Variants in RGS7 observed in about 807,000 individuals in gnomAD.
RGS7 encodes regulator of G-protein signaling 7.
RGS7 carries 27 observed loss-of-function variants against 81.1 expected under a neutral mutation model. The observed-to-expected ratio is 0.33, with a 90% CI of 0.25 to 0.46. RGS7 has a LOEUF of 0.46. RGS7 is among the 20% of genes least tolerant of loss of function. RGS7 has a pLI of 1.00. For missense variants in RGS7, 396 were observed against 607.4 expected, an observed-to-expected ratio of 0.65 and a Z score of 3.66; for synonymous variants, 208 against 207.7, an observed-to-expected ratio of 1.00 and a Z score of -0.01.
At chr1:240,828,526 C>T (rs968110740) in intron 9 of RGS7, among the ~76,000 whole-genome samples, 5 of 152,160 alleles carry the variant, frequency 3.3e-5, no homozygotes, top group Admixed American at 6.5e-5. Flanking sequence ...CGGTGGCTCA[C>T]GCCTGTAACC....
intron 3 of RGS7, among the ~76,000 whole-genome samples, chr1:241,057,355 C>T (rs2148822852): frequency 6.6e-6 from 1 of 152,186 alleles, no homozygotes; most frequent in Non-Finnish European, 1.5e-5. Context: ...AATAAGAGGG[C>T]CAGTTTAGGC....
In RGS7 at chr1:240,812,064, G is replaced by T. The variant is rs199919664; in HGVS notation, c.957-21C>A. The T allele has an allele frequency of 2.4e-5, 39 of 1,613,836 alleles. No individual in the cohort carries two copies. In the East Asian group the frequency reaches 8.7e-4, roughly 36 times the overall value. On this transcript the variant is annotated intron_variant, in intron 13 of 18. Coordinates refer to ENST00000440928, the MANE Select transcript of RGS7 (RefSeq NM_001364886.1). Reference sequence around the variant, plus strand: ...CTTTGCTATAGAAGATAAAACAAAGGCAAATACATTCCTTTCATTAGAATT... The same window carrying T: ...CTTTGCTATAGAAGATAAAACAAAGTCAAATACATTCCTTTCATTAGAATT...
intron 3 of RGS7, among the ~76,000 whole-genome samples, chr1:241,058,800 A>C (rs2061602561): frequency 1.3e-5 from 2 of 152,200 alleles, no homozygotes; most frequent in African/African-American, 4.8e-5. Flanking sequence ...TCATGCAACA[A>C]TTTTGACATT....
At chr1:241,306,813 A>T (rs935210681) in intron 2 of RGS7, among the ~76,000 whole-genome samples, 12 of 152,160 alleles carry the variant, frequency 7.9e-5, no homozygotes, top group African/African-American at 2.9e-4. Flanking sequence ...TCCTGTGTGC[A>T]CACACATACA....
rs531942260 is a variant in RGS7, at chr1:241,311,159, TA to T, written c.78+44539del. ...AGACAATTAAAAGTATTGCTACTGT[TA>T]GATATTTTGTTAGCACCTTTTGAAA... On this transcript the variant is annotated intron_variant, in intron 2 of 18. Coordinates refer to ENST00000440928, the MANE Select transcript of RGS7 (RefSeq NM_001364886.1). Among the ~76,000 whole-genome samples, 137 of 152,350 alleles carry T rather than the reference TA, an allele frequency of 9.0e-4. 2 individuals are homozygous for T. The highest frequency in any genetic ancestry group is 3.0e-3 in the African/African-American group (126 of 41,574).
chr1:241,304,330 G>A (rs766505414), intron 2 of RGS7, among the ~76,000 whole-genome samples: 5 of 152,156 alleles, frequency 3.3e-5, no homozygotes, highest in African/African-American at 4.8e-5. Context: ...GGGTGTTATG[G>A]CTACCTGGGA....
chr1:240,978,193 T>G (rs1684429070), intron 4 of RGS7, among the ~76,000 whole-genome samples: 1 of 152,132 alleles, frequency 6.6e-6, no homozygotes, highest in Non-Finnish European at 1.5e-5. Flanking sequence ...TGTCAATAAC[T>G]GAAGATCAGT....
intron 2 of RGS7, among the ~76,000 whole-genome samples, chr1:241,101,116 C>T (rs542223953): frequency 6.6e-6 from 1 of 152,284 alleles, no homozygotes; most frequent in South Asian, 2.1e-4. Flanking sequence ...TCCATAATAC[C>T]TTTATCAGCA....
chr1:240,861,624 G>A (rs1662209625), intron 9 of RGS7, among the ~76,000 whole-genome samples: 1 of 152,030 alleles, frequency 6.6e-6, no homozygotes, highest in Admixed American at 6.6e-5. Flanking sequence ...CCCAATGTGT[G>A]GTAAACCAAT....
chr1:241,117,934 T>C (rs1226387980), intron 2 of RGS7, among the ~76,000 whole-genome samples: 1 of 152,154 alleles, frequency 6.6e-6, no homozygotes, highest in South Asian at 2.1e-4. Flanking sequence ...AATCCTTACC[T>C]GCAAAATCTG....
intron 4 of RGS7, among the ~76,000 whole-genome samples, chr1:240,979,086 A>G (rs1684556721): frequency 6.6e-6 from 1 of 152,198 alleles, no homozygotes; most frequent in Admixed American, 6.5e-5. Flanking sequence ...GGCAGGATAA[A>G]AAATCAGTTT....
intron 2 of RGS7, among the ~76,000 whole-genome samples, chr1:241,196,574 GATTAAA>G (rs2147821036): frequency 7.2e-6 from 1 of 138,544 alleles, no homozygotes; most frequent in South Asian, 2.2e-4. Context: ...AGATAACAGT[GATTAAA>G]ATATTTAAAA....
At chr1:241,310,676 TATAGC>T (rs2080477418) in intron 2 of RGS7, among the ~76,000 whole-genome samples, 1 of 152,116 alleles carries the variant, frequency 6.6e-6, no homozygotes, top group South Asian at 2.1e-4. Context: ...TAAAGGAGCT[TATAGC>T]AGTGACTGAT....
intron 2 of RGS7, among the ~76,000 whole-genome samples, chr1:241,192,853 C>G (rs925461405): frequency 3.3e-5 from 5 of 152,180 alleles, no homozygotes; most frequent in Non-Finnish European, 7.3e-5. Flanking sequence ...CAACATCCAT[C>G]TAGCCAGTAG....
At chr1:240,969,291 T>A (rs977072121) in intron 4 of RGS7, among the ~76,000 whole-genome samples, 7 of 152,156 alleles carry the variant, frequency 4.6e-5, no homozygotes, top group Admixed American at 6.5e-5. Flanking sequence ...GAAAGGAAAG[T>A]GAGGCTCTAA....
rs142192067 is a variant in RGS7 at position 241,236,472 on chromosome 1, C to T, written c.78+119227G>A. Among the ~76,000 whole-genome samples the T allele has an allele frequency of 4.6e-3, 695 of 152,086 alleles. 7 individuals carry two copies. Among genetic ancestry groups the T allele is most frequent in the African/African-American group, 0.016 (651 of 41,522 alleles). On this transcript the variant is annotated intron_variant, in intron 2 of 18. Coordinates refer to ENST00000440928, the MANE Select transcript of RGS7 (RefSeq NM_001364886.1). ...TGCAGCTTGACCCTAAGGACTTCCG[C>T]GCACCCATCACATGTATAGTATGGT... is the stretch of plus-strand genomic sequence containing the variant.
intron 3 of RGS7, among the ~76,000 whole-genome samples, chr1:241,006,399 A>AC (rs2058690414): frequency 6.6e-6 from 1 of 152,182 alleles, no homozygotes; most frequent in Non-Finnish European, 1.5e-5. Flanking sequence ...GCTTTACTGT[A>AC]CTTTGCCCTC....
chr1:241,281,044 GAAATATAAAA>G (rs566549048), intron 2 of RGS7, among the ~76,000 whole-genome samples: 2 of 151,592 alleles, frequency 1.3e-5, no homozygotes, highest in Non-Finnish European at 2.9e-5. Context: ...ACATAGTCTA[GAAATATAAAA>G]AAAAATAAGA....
At chr1:241,073,291 C>A (rs188980210) in intron 3 of RGS7, among the ~76,000 whole-genome samples, 3 of 152,126 alleles carry the variant, frequency 2.0e-5, no homozygotes, top group Admixed American at 6.5e-5. Context: ...TGGGGAAGAA[C>A]GGGAGACTAA....
Sources: allele counts gnomAD v4.1 joint callset (sites outside exome capture counted in the v4.1 genomes callset), GRCh38; gene constraint gnomAD v4.1.1; transcripts MANE v1.5; gene names NCBI Gene and HGNC (gene_info 2026-07-23, HGNC 2026-07-21).